ST18: variants seen among roughly 807,000 people sequenced by gnomAD.
ST18 encodes ST18 C2H2C-type zinc finger transcription factor, also known as suppression of tumorigenicity 18 protein.
ST18 carries 50 observed loss-of-function variants against 110.0 expected under a neutral mutation model. That is an observed-to-expected ratio of 0.45 (90% confidence interval 0.36 to 0.58). The LOEUF is 0.58. Ranked by LOEUF, ST18 falls within the 20% of genes least tolerant of loss-of-function variation. ST18 has a pLI of 0.00. For missense variants in ST18, 1,306 were observed against 1,280.1 expected, an observed-to-expected ratio of 1.02 and a Z score of -0.31; for synonymous variants, 461 against 452.4, an observed-to-expected ratio of 1.02 and a Z score of -0.24.
At chr8:52,344,610 A>G (rs1267549314) in intron 2 of ST18, among the ~76,000 whole-genome samples, 2 of 152,286 alleles carry the variant, frequency 1.3e-5, no homozygotes, top group East Asian at 3.9e-4. Context: ...CATGTTGGCC[A>G]GGCTGGTCAC....
intron 2 of ST18, among the ~76,000 whole-genome samples, chr8:52,362,153 C>T (rs1312607698): frequency 6.6e-6 from 1 of 152,136 alleles, no homozygotes; most frequent in African/African-American, 2.4e-5. Flanking sequence ...TTCAGGTTAA[C>T]CAACAGTTGC....
rs141368972 is a variant in ST18 at position 52,143,665 on chromosome 8, A to C, written c.2053-620T>G. On this transcript the variant is annotated intron_variant, in intron 16 of 25. Coordinates refer to ENST00000689386, the MANE Select transcript of ST18 (RefSeq NM_001352837.2). ...TCTTGACCCATGTAATTAATATTTTAGTATATTTCAAGGTTTCTTGTATTA... is the reference window on the plus strand; with the variant it reads ...TCTTGACCCATGTAATTAATATTTTCGTATATTTCAAGGTTTCTTGTATTA... 7.3e-4 allele frequency among the ~76,000 whole-genome samples: 111 copies of C among 152,338 alleles called. 1 individual carries two copies. The highest frequency in any genetic ancestry group is 2.1e-3 in the African/African-American group (88 of 41,578).
intron 8 of ST18, among the ~76,000 whole-genome samples, chr8:52,202,531 A>C (rs1271458553): frequency 6.6e-6 from 1 of 152,222 alleles, no homozygotes; most frequent in Non-Finnish European, 1.5e-5. Context: ...GGATGAGTGA[A>C]TGACAAAACA....
At chr8:52,289,428 CG>C (rs1268980977) in intron 2 of ST18, among the ~76,000 whole-genome samples, 1 of 152,012 alleles carries the variant, frequency 6.6e-6, no homozygotes, top group Non-Finnish European at 1.5e-5. Context: ...ACTCCAGCCT[CG>C]GGGACAGATC....
intron 8 of ST18, among the ~76,000 whole-genome samples, chr8:52,209,199 G>A (rs1258752581): frequency 1.3e-5 from 2 of 152,196 alleles, no homozygotes; most frequent in East Asian, 3.8e-4. Flanking sequence ...TGAGAAATCT[G>A]TTGCTTAAAT....
At chr8:52,315,094 C>A (rs2096000361) in intron 2 of ST18, among the ~76,000 whole-genome samples, 1 of 152,208 alleles carries the variant, frequency 6.6e-6, no homozygotes, top group African/African-American at 2.4e-5. Context: ...GGCCAATGCT[C>A]TGATTCTACA....
intron 8 of ST18, among the ~76,000 whole-genome samples, chr8:52,200,320 G>A (rs1247065326): frequency 2.0e-5 from 3 of 152,206 alleles, no homozygotes; most frequent in African/African-American, 4.8e-5. Flanking sequence ...TAATTGCAAA[G>A]GCTAAGGTCA....
rs77660219 is a variant in ST18, at chr8:52,287,347, A to G, written c.-464-57270T>C. Among the ~76,000 whole-genome samples, 44 of 152,232 alleles carry G rather than the reference A, an allele frequency of 2.9e-4. 1 individual carries two copies. The East Asian group carries it at 6.9e-3, about 24-fold the overall frequency. ...GGGTAATTTTTCTGCTATATTAACC[A>G]GTTTCTTTTTCTCTTTGCATTTTAT... On this transcript the variant is annotated intron_variant, in intron 2 of 25. Coordinates refer to ENST00000689386, the MANE Select transcript of ST18 (RefSeq NM_001352837.2).
intron 2 of ST18, among the ~76,000 whole-genome samples, chr8:52,383,348 T>C (rs1835316708): frequency 6.6e-6 from 1 of 152,204 alleles, no homozygotes. Flanking sequence ...AGCCCTGAGT[T>C]CTGATAAATA....
intron 4 of ST18, among the ~76,000 whole-genome samples, chr8:52,221,269 C>T (rs2086633198): frequency 1.3e-5 from 2 of 152,172 alleles, no homozygotes; most frequent in African/African-American, 2.4e-5. Context: ...GTACTATACT[C>T]AAGCGGTCAC....
Position 52,172,230 on chromosome 8 carries a change from C to T in ST18, c.631G>A (p.Glu211Lys). The change falls in exon 10 of 26, where the codon GAA (glutamate) becomes AAA (lysine). Residue 211 changes from glutamate (E) to lysine (K), a missense_variant. By Grantham distance (56) the Glu-to-Lys change is moderately conservative. Coordinates refer to ENST00000689386, the MANE Select transcript of ST18 (RefSeq NM_001352837.2). ...GGGACTCTAGGTGGTTTGGTTTCTTCTGAGAAGTTGGAGCCACTGTCCCAG... is the reference window on the plus strand; with the variant it reads ...GGGACTCTAGGTGGTTTGGTTTCTTTTGAGAAGTTGGAGCCACTGTCCCAG... Reference protein sequence around the residue: ...NGWDSGSNFSEETKPPRVPKY... With the variant: ...NGWDSGSNFSKETKPPRVPKY... 6.2e-7 allele frequency: 1 copy of T among 1,614,142 alleles called. No homozygotes were observed. The highest frequency in any genetic ancestry group is 8.5e-7 in the Non-Finnish European group (1 of 1,180,024).
At chr8:52,392,020 A>C (rs1422280518) in intron 2 of ST18, among the ~76,000 whole-genome samples, 2 of 152,208 alleles carry the variant, frequency 1.3e-5, no homozygotes, top group Non-Finnish European at 2.9e-5. Flanking sequence ...TAGATCCATC[A>C]ATGACTAGCT....
chr8:52,401,004 G>A (rs1254438044), intron 2 of ST18, among the ~76,000 whole-genome samples: 3 of 152,104 alleles, frequency 2.0e-5, no homozygotes, highest in African/African-American at 4.8e-5. Context: ...TTATAAGGCA[G>A]GTCTAGTAGT....
chr8:52,310,465 G>C (rs1159416566), intron 2 of ST18, among the ~76,000 whole-genome samples: 1 of 152,118 alleles, frequency 6.6e-6, no homozygotes, highest in African/African-American at 2.4e-5. Flanking sequence ...ACATAGTTTC[G>C]ATTGTGTTTT....
At chr8:52,130,098 G>GA (rs2048689863) in intron 22 of ST18, among the ~76,000 whole-genome samples, 1 of 67,136 alleles carries the variant, frequency 1.5e-5, no homozygotes, top group African/African-American at 6.1e-5. Flanking sequence ...GAAAGAAAAA[G>GA]AAAGAAAGAA....
intron 2 of ST18, chr8:52,248,610 AAGGATCCTGCAATG>A (rs2094043138): frequency 6.6e-6 from 1 of 152,176 alleles, no homozygotes; most frequent in Non-Finnish European, 1.5e-5. Flanking sequence ...ATTTCTCTCA[AAGGATCCTGCAATG>A]TTACACTTCA....
chr8:52,113,064 T>A lies in ST18; in HGVS notation c.*134A>T. 9.9e-7 allele frequency: 1 copy of A among 1,014,148 alleles called. No homozygotes were observed. 62.8% of individuals were successfully genotyped at this position (1,014,148 alleles called of 1,614,324 possible). On this transcript the variant is annotated 3_prime_UTR_variant, in exon 26 of 26. Coordinates refer to ENST00000689386, the MANE Select transcript of ST18 (RefSeq NM_001352837.2). The stretch of plus-strand genomic sequence containing the variant: ...TCCTTTTTATATCAGCTGGGGAAAA[T>A]AAAATTAGTGCAATGTTGCAAATTG...
chr8:52,254,732 A>G (rs2094470967), intron 2 of ST18, among the ~76,000 whole-genome samples: 1 of 152,112 alleles, frequency 6.6e-6, no homozygotes, highest in East Asian at 1.9e-4. Context: ...TGCAGGCTCG[A>G]GTGTTCTGAT....
At chr8:52,257,567 T>A (rs1410397670) in intron 2 of ST18, among the ~76,000 whole-genome samples, 2 of 152,192 alleles carry the variant, frequency 1.3e-5, no homozygotes, top group African/African-American at 4.8e-5. Flanking sequence ...TGCTTATTGA[T>A]TATTTGTATA....
Sources: gnomAD v4.1 joint callset for allele counts (sites outside exome capture counted in the v4.1 genomes callset) on GRCh38, gnomAD v4.1.1 for gene constraint, MANE v1.5 for transcripts, NCBI Gene and HGNC (gene_info 2026-07-23, HGNC 2026-07-21) for gene names.